NRG3: variants seen among roughly 807,000 people sequenced by gnomAD.
NRG3 encodes the protein pro-neuregulin-3, membrane-bound isoform.
Under a neutral mutation model 66.9 loss-of-function variants are expected in NRG3, and 31 were observed. The observed-to-expected ratio is 0.46, with a 90% CI of 0.35 to 0.63. The LOEUF (loss-of-function observed/expected upper bound fraction) is 0.63. Among genes scored for constraint, NRG3 ranks in the 20% least tolerant of loss-of-function variants. The pLI is 0.00. For synonymous variants in NRG3, 393 were observed against 359.4 expected (o/e 1.09, Z -1.06); for missense variants, 910 against 878.9 (o/e 1.04, Z -0.45).
At chr10:82,626,344 T>TGG (rs1328410298) in intron 2 of NRG3, among the ~76,000 whole-genome samples, 4 of 152,138 alleles carry the variant, frequency 2.6e-5, no homozygotes, top group African/African-American at 9.7e-5. Context: ...ACCGGCTGTA[T>TGG]GGACCCTGGG....
intron 3 of NRG3, among the ~76,000 whole-genome samples, chr10:82,821,065 A>G (rs2061931720): frequency 6.6e-6 from 1 of 152,214 alleles, no homozygotes; most frequent in South Asian, 2.1e-4. Context: ...TTATTCAAGC[A>G]AGGTATTTAC....
chr10:82,892,016 T>C (rs1246137254), intron 4 of NRG3, among the ~76,000 whole-genome samples: 2 of 152,158 alleles, frequency 1.3e-5, no homozygotes, highest in African/African-American at 2.4e-5. Flanking sequence ...TTGTATCATA[T>C]GATTTATCCT....
intron 2 of NRG3, among the ~76,000 whole-genome samples, chr10:82,652,042 G>A (rs1565168239): frequency 6.6e-6 from 1 of 152,198 alleles, no homozygotes; most frequent in African/African-American, 2.4e-5. Flanking sequence ...CTAGCCAGCT[G>A]CTTTGGCACC....
intron 2 of NRG3, among the ~76,000 whole-genome samples, chr10:82,637,765 TG>T (rs1419629974): frequency 5.9e-5 from 9 of 152,200 alleles, no homozygotes; most frequent in Admixed American, 5.9e-4. Context: ...CAGAGCTTTT[TG>T]TCACAAAGGC....
chr10:82,911,754 A>C (rs1271273819), intron 4 of NRG3, among the ~76,000 whole-genome samples: 1 of 151,220 alleles, frequency 6.6e-6, no homozygotes, highest in Non-Finnish European at 1.5e-5. Context: ...ATATTGCTCT[A>C]GTTTTTATTA....
chr10:82,061,842 T>TTCTCTCTCTCTCTC (rs72439199), intron 1 of NRG3, among the ~76,000 whole-genome samples: 285 of 146,900 alleles, frequency 1.9e-3, no homozygotes, highest in Non-Finnish European at 2.7e-3. Context: ...CAGTGTCCCT[T>TTCTCTCTCTCTCTC]TCTCTCTCTC....
chr10:82,749,882 CA>C (rs2058794637), intron 3 of NRG3, among the ~76,000 whole-genome samples: 1 of 151,852 alleles, frequency 6.6e-6, no homozygotes, highest in Non-Finnish European at 1.5e-5. Context: ...AGCCCTCAAT[CA>C]AAAGGGTCCA....
At chr10:82,904,764 A>G (rs909282294) in intron 4 of NRG3, among the ~76,000 whole-genome samples, 1 of 152,158 alleles carries the variant, frequency 6.6e-6, no homozygotes, top group South Asian at 2.1e-4. Flanking sequence ...AGATGGGGAA[A>G]TGATTTCAGA....
intron 2 of NRG3, among the ~76,000 whole-genome samples, chr10:82,421,504 A>C: frequency 6.6e-6 from 1 of 151,866 alleles, no homozygotes; most frequent in East Asian, 1.9e-4. Context: ...TCAGTTACCA[A>C]AAAAAAAGTC....
intron 1 of NRG3, among the ~76,000 whole-genome samples, chr10:82,132,460 ATATATAT>A (rs1564593132): frequency 8.9e-5 from 11 of 123,388 alleles, no homozygotes; most frequent in African/African-American, 3.9e-4. Context: ...TATATATATG[ATATATAT>A]GATATATATA....
At chr10:82,230,875 G>A (rs1023615827) in intron 1 of NRG3, among the ~76,000 whole-genome samples, 1 of 152,088 alleles carries the variant, frequency 6.6e-6, no homozygotes, top group African/African-American at 2.4e-5. Flanking sequence ...ACTCAATGGT[G>A]ATTTATTAAA....
At chr10:82,086,186 G>C (rs1395582565) in intron 1 of NRG3, among the ~76,000 whole-genome samples, 1 of 152,084 alleles carries the variant, frequency 6.6e-6, no homozygotes, top group Non-Finnish European at 1.5e-5. Flanking sequence ...GACAGTAATA[G>C]AATTGGAGTC....
At chr10:82,106,551 G>C (rs1249593149) in intron 1 of NRG3, among the ~76,000 whole-genome samples, 1 of 151,038 alleles carries the variant, frequency 6.6e-6, no homozygotes, top group Admixed American at 6.6e-5. Flanking sequence ...TGTCACCTAG[G>C]CTGGAGTAAA....
At chr10:82,206,326 T>C (rs2075113165) in intron 1 of NRG3, among the ~76,000 whole-genome samples, 1 of 152,186 alleles carries the variant, frequency 6.6e-6, no homozygotes, top group Non-Finnish European at 1.5e-5. Context: ...ACTAAACAAA[T>C]GACCGTTCTC....
At chr10:82,307,687 TA>T (rs879781658) in intron 1 of NRG3, among the ~76,000 whole-genome samples, 13 of 152,116 alleles carry the variant, frequency 8.5e-5, no homozygotes, top group Non-Finnish European at 1.6e-4. Context: ...ATATCTGTAA[TA>T]TTTATTAGGT....
At chr10:81,902,542 C>G (rs534474959) in intron 1 of NRG3, among the ~76,000 whole-genome samples, 1 of 152,166 alleles carries the variant, frequency 6.6e-6, no homozygotes, top group Non-Finnish European at 1.5e-5. Flanking sequence ...CAGGGGATGT[C>G]TGTAAGCCAG....
chr10:82,537,108 C>T (rs1847885195), intron 2 of NRG3, among the ~76,000 whole-genome samples: 1 of 151,848 alleles, frequency 6.6e-6, no homozygotes, highest in African/African-American at 2.4e-5. Context: ...TAATGTTCAC[C>T]TCATGGGTTT....
intron 2 of NRG3, among the ~76,000 whole-genome samples, chr10:82,723,373 G>C (rs138054159): frequency 5.9e-4 from 90 of 152,078 alleles, no homozygotes; most frequent in African/African-American, 2.1e-3. Flanking sequence ...ACTATGCTTC[G>C]TACCTGGGTA....
intron 1 of NRG3, among the ~76,000 whole-genome samples, chr10:82,247,327 T>C (rs2077288707): frequency 6.6e-6 from 1 of 152,204 alleles, no homozygotes; most frequent in African/African-American, 2.4e-5. Flanking sequence ...GGACCCAGCA[T>C]GTTCAGGTTC....
Sources: gnomAD v4.1 joint callset for allele counts (sites outside exome capture counted in the v4.1 genomes callset) on GRCh38, gnomAD v4.1.1 for gene constraint, MANE v1.5 for transcripts, NCBI Gene and HGNC (gene_info 2026-07-23, HGNC 2026-07-21) for gene names.